The following GRAMD2B variants were observed in gnomAD, a reference collection of about 807,000 sequenced individuals.
The protein encoded by GRAMD2B is GRAM domain containing 2B, also known as GRAM domain-containing protein 2B.
GRAMD2B carries 41 observed loss-of-function variants against 59.2 expected under a neutral mutation model. That is an observed-to-expected ratio of 0.69 (90% CI 0.54 to 0.90). The LOEUF is 0.90. Ranked by LOEUF, GRAMD2B falls within the 40% of genes least tolerant of loss-of-function variation. The probability of loss-of-function intolerance (pLI) is 0.00; values close to 1 mark genes in which losing one functional copy is unlikely to be tolerated. For synonymous variants in GRAMD2B, 161 were observed against 182.7 expected (o/e 0.88, Z 0.96); for missense variants, 424 against 500.5 (o/e 0.85, Z 1.46).
chr5:126,421,960 A>G (rs890830605), upstream of GRAMD2B, among the ~76,000 whole-genome samples: 1 of 152,326 alleles, frequency 6.6e-6, no homozygotes, highest in Non-Finnish European at 1.5e-5. Context: ...GTCATGCTCT[A>G]CTGTTGCCAC....
chr5:126,423,818 T>C (rs1174009494), intron 1 of GRAMD2B, 129 bp downstream of exon 1: 27 of 730,778 alleles, frequency 3.7e-5, no homozygotes, highest in Non-Finnish European at 5.2e-5. Flanking sequence ...TGTGGCGCGC[T>C]CTCTCTGTCT....
At chr5:126,451,020 G>T (rs1351817064) in intron 1 of GRAMD2B, among the ~76,000 whole-genome samples, 2 of 152,230 alleles carry the variant, frequency 1.3e-5, no homozygotes, top group African/African-American at 4.8e-5. Flanking sequence ...TAGGAAGGGG[G>T]CCACTGTCCT....
At chr5:126,473,483 T>G (rs1770004919) in intron 5 of GRAMD2B, 115 bp downstream of exon 5, 1 of 433,984 alleles carries the variant, frequency 2.3e-6, no homozygotes, top group South Asian at 6.6e-5. Flanking sequence ...TATTCTTTTA[T>G]GTCAAGTTTC....
At position 126,484,436 on chromosome 5, in the gene GRAMD2B, T is replaced by G. The variant is rs767754736; in HGVS notation, c.882T>G (p.Asn294Lys). ...CGACAGAATCCCAAACAGTTCTGAA[T>G]GTCTCCAAGGGAGAAGCAAAGCCAA... ...FHATESQTVLNVSKGEAKPTR... is the reference protein window; with the variant it reads ...FHATESQTVLKVSKGEAKPTR... The change falls in exon 10 of 14, where the codon AAT becomes AAG. Residue 294 changes from asparagine (N) to lysine (K), a missense_variant. Physicochemically the swap from Asn to Lys is moderately conservative, Grantham distance 94 (BLOSUM62 0). Coordinates refer to ENST00000285689, the MANE Select transcript of GRAMD2B (RefSeq NM_023927.4). The G allele has an allele frequency of 1.9e-6, 3 of 1,614,056 alleles. No homozygotes were observed. The highest frequency in any genetic ancestry group is 3.3e-4 in the Middle Eastern group (2 of 6,082).
At chr5:126,450,747 C>T (rs979653645) in intron 1 of GRAMD2B, among the ~76,000 whole-genome samples, 1 of 151,748 alleles carries the variant, frequency 6.6e-6, no homozygotes, top group Non-Finnish European at 1.5e-5. Flanking sequence ...ACAGCTCGGG[C>T]TGCCACTCCA....
In GRAMD2B at chr5:126,442,958, A is replaced by G. The variant is rs187444798; in HGVS notation, c.83+19269A>G. ...CTAATCATCCAAAATCCGAATTACTAAGTATTTGGAAACTTCTTTCCTGAA... is the reference window on the plus strand; with the variant it reads ...CTAATCATCCAAAATCCGAATTACTGAGTATTTGGAAACTTCTTTCCTGAA... On this transcript the variant is annotated intron_variant, in intron 1 of 13. Transcript: ENST00000285689. 1.2e-4 allele frequency among the ~76,000 whole-genome samples: 18 copies of G among 152,290 alleles called. No homozygotes were observed. In the East Asian group the frequency reaches 2.3e-3, roughly 20 times the overall value.
At chr5:126,466,442 TC>T (rs1358126554) in intron 2 of GRAMD2B, 670 of 674,336 alleles carry the variant, frequency 9.9e-4, no homozygotes, top group East Asian at 4.5e-3. Flanking sequence ...TTTTTTTTTT[TC>T]CAGTCGGAGT....
At chr5:126,408,826 C>T (rs902001278) in intron 1 of GRAMD2B, among the ~76,000 whole-genome samples, 1 of 139,330 alleles carries the variant, frequency 7.2e-6, no homozygotes, top group Non-Finnish European at 1.6e-5. Flanking sequence ...TCTCCTAATG[C>T]TATCCCTCCC....
At chr5:126,483,692 G>A in intron 9 of GRAMD2B, 118 bp downstream of exon 9, 1 of 607,566 alleles carries the variant, frequency 1.6e-6, no homozygotes, top group Non-Finnish European at 2.8e-6. Flanking sequence ...TGTCTTCCTA[G>A]TTAAAAATCA....
chr5:126,484,315 T>C (rs943960615), intron 9 of GRAMD2B, 87 bp from the exon 10 acceptor site: 61 of 1,442,288 alleles, frequency 4.2e-5, no homozygotes, highest in Non-Finnish European at 5.8e-5. Context: ...CCATTATGCA[T>C]GTTAAGGGAT....
intron 1 of GRAMD2B, among the ~76,000 whole-genome samples, chr5:126,394,509 A>G (rs1757184869): frequency 6.6e-6 from 1 of 152,228 alleles, no homozygotes; most frequent in African/African-American, 2.4e-5. Flanking sequence ...AGCCATAATG[A>G]GCTGCCTGTA....
At chr5:126,409,065 A>T (rs902031205) in intron 1 of GRAMD2B, among the ~76,000 whole-genome samples, 12 of 151,698 alleles carry the variant, frequency 7.9e-5, no homozygotes, top group Admixed American at 3.9e-4. Flanking sequence ...TATATGTGCC[A>T]CATTTTCTTA....
At chr5:126,373,572 CTT>C (rs1179104923) in intron 1 of GRAMD2B, among the ~76,000 whole-genome samples, 2 of 152,222 alleles carry the variant, frequency 1.3e-5, no homozygotes, top group Admixed American at 6.5e-5. Flanking sequence ...GTGAGATAGA[CTT>C]AGTCCCTGCT....
At chr5:126,463,580 T>C (rs1040095817) in intron 1 of GRAMD2B, among the ~76,000 whole-genome samples, 2 of 152,262 alleles carry the variant, frequency 1.3e-5, no homozygotes, top group African/African-American at 4.8e-5. Context: ...TGTCACATAA[T>C]GCAATTCTGT....
At chr5:126,417,925 A>T (rs1318509535) in intron 1 of GRAMD2B, among the ~76,000 whole-genome samples, 1 of 152,220 alleles carries the variant, frequency 6.6e-6, no homozygotes, top group African/African-American at 2.4e-5. Flanking sequence ...CAAGTCACTG[A>T]ACTCCGTGAA....
rs1012403375 is a variant in GRAMD2B, at chr5:126,451,516, C to T, written c.84-13910C>T. Among the ~76,000 whole-genome samples the T allele has an allele frequency of 7.2e-5, 11 of 152,232 alleles. No individual in the cohort carries two copies. The East Asian group carries it at 1.9e-3, about 27-fold the overall frequency. ...TGGGAATGTTTATCCAGTGCCTGTA[C>T]CACCATTGTATCTTGGAAGTAAATA... On this transcript the variant is annotated intron_variant, in intron 1 of 13. Transcript: ENST00000285689.
In GRAMD2B at chr5:126,494,107, G is replaced by A. The variant is rs1227480776; in HGVS notation, c.*1151G>A. The A allele has an allele frequency of 1.3e-5, 2 of 152,594 alleles. No homozygotes were observed. Among genetic ancestry groups the A allele is most frequent in the East Asian group, 3.9e-4 (2 of 5,194 alleles). The allele number at this position is 152,594 out of a possible 1,614,324, so 9.5% of individuals were successfully genotyped here. ...ATCTGTTGGCCTAGTGGACAGCTGT[G>A]CCTGGTGCACCTCTGGCTTTTAATA... On this transcript the variant is annotated 3_prime_UTR_variant, in exon 14 of 14. Transcript: ENST00000285689.
upstream of GRAMD2B, among the ~76,000 whole-genome samples, chr5:126,419,900 C>T (rs911281079): frequency 1.3e-5 from 2 of 151,676 alleles, no homozygotes; most frequent in Non-Finnish European, 2.9e-5. Flanking sequence ...ACTAAAAATA[C>T]AAAAATTAGC....
intron 1 of GRAMD2B, among the ~76,000 whole-genome samples, chr5:126,427,876 C>G (rs1445258717): frequency 6.6e-6 from 1 of 152,050 alleles, no homozygotes; most frequent in Admixed American, 6.6e-5. Context: ...TCCCATTTAG[C>G]AAAAGAAGAT....
Sources: allele counts gnomAD v4.1 joint callset (sites outside exome capture counted in the v4.1 genomes callset), GRCh38; gene constraint gnomAD v4.1.1; transcripts MANE v1.5; gene names NCBI Gene and HGNC (gene_info 2026-07-23, HGNC 2026-07-21).